Variants in CPE observed in about 807,000 individuals in gnomAD.
CPE encodes the protein carboxypeptidase E.
CPE carries 17 observed loss-of-function variants against 53.5 expected under a neutral mutation model. That is an observed-to-expected ratio of 0.32 (90% CI 0.22 to 0.48). The LOEUF (loss-of-function observed/expected upper bound fraction) is 0.48, where lower values mean the gene tolerates loss of function less well. Ranked by LOEUF, CPE falls within the 20% of genes least tolerant of loss-of-function variation. The pLI, the probability that CPE is intolerant of heterozygous loss-of-function variation, is 0.99. For missense variants in CPE, 524 were observed against 614.7 expected, an observed-to-expected ratio of 0.85 and a Z score of 1.56; for synonymous variants, 226 against 228.8, an observed-to-expected ratio of 0.99 and a Z score of 0.11.
At chr4:165,424,966 C>T (rs1020426391) in intron 1 of CPE, among the ~76,000 whole-genome samples, 64 of 151,810 alleles carry the variant, frequency 4.2e-4, no homozygotes, top group African/African-American at 1.5e-3. Context: ...CCTACACCTC[C>T]CTGGTTCAAA....
chr4:165,486,096 C>T (rs1368234435), intron 5 of CPE, among the ~76,000 whole-genome samples: 1 of 152,108 alleles, frequency 6.6e-6, no homozygotes, highest in Admixed American at 6.5e-5. Context: ...CCATATCTGT[C>T]AGCCATTGGT....
intron 3 of CPE, among the ~76,000 whole-genome samples, chr4:165,476,702 G>A (rs1191365930): frequency 2.6e-5 from 4 of 152,050 alleles, no homozygotes; most frequent in Non-Finnish European, 1.5e-5. Flanking sequence ...TTGGGAGAAG[G>A]CCCTCTCCTG....
intron 4 of CPE, among the ~76,000 whole-genome samples, 158 bp downstream of exon 4, chr4:165,482,517 C>T (rs1732433024): frequency 6.6e-6 from 1 of 152,184 alleles, no homozygotes; most frequent in Non-Finnish European, 1.5e-5. Flanking sequence ...CTAATCATTT[C>T]ATATGGTGTT....
chr4:165,495,716 A>G, intron 8 of CPE, 39 bp downstream of exon 8: 1 of 1,379,120 alleles, frequency 7.3e-7, no homozygotes, highest in African/African-American at 1.4e-5. Context: ...TATAATAATA[A>G]TTAAGCATTT....
At chr4:165,465,724 G>T (rs943933044) in intron 2 of CPE, among the ~76,000 whole-genome samples, 3 of 151,974 alleles carry the variant, frequency 2.0e-5, no homozygotes, top group Admixed American at 6.6e-5. Context: ...TAAAGCCCTA[G>T]AACTTTTGTT....
chr4:165,419,430 A>G (rs990203498), intron 1 of CPE, among the ~76,000 whole-genome samples: 2 of 152,200 alleles, frequency 1.3e-5, no homozygotes, highest in African/African-American at 2.4e-5. Flanking sequence ...CAGAGAAACA[A>G]ACTCATGTAT....
At chr4:165,396,212 C>A (rs1455343623) in intron 1 of CPE, among the ~76,000 whole-genome samples, 1 of 152,132 alleles carries the variant, frequency 6.6e-6, no homozygotes, top group Non-Finnish European at 1.5e-5. Flanking sequence ...TTCCTGGAGT[C>A]ATCTTTAACG....
At chr4:165,476,163 T>C (rs1478764966) in intron 3 of CPE, among the ~76,000 whole-genome samples, 1 of 152,142 alleles carries the variant, frequency 6.6e-6, no homozygotes, top group East Asian at 1.9e-4. Context: ...TGAAAGTGTA[T>C]TAAAAAGCTT....
chr4:165,497,848 A>G lies in CPE; in HGVS notation c.*238A>G, dbSNP rs1381656432. ...ACCTATATTACACAAAAAAGTATAG[A>G]AAAGATTTAAGTAATTTTGCCATCC... is the stretch of plus-strand genomic sequence containing the variant. On this transcript the variant is annotated 3_prime_UTR_variant, in exon 9 of 9. Transcript: ENST00000402744. The G allele has an allele frequency of 5.0e-5, 12 of 239,832 alleles. No homozygotes were observed. The highest frequency in any genetic ancestry group is 5.0e-4 in the Admixed American group (9 of 18,086). The allele number at this position is 239,832 out of a possible 1,614,324, so 14.9% of individuals were successfully genotyped here. A position where few individuals can be genotyped will look rare whatever the true frequency, so the allele number is the denominator to read the frequency against.
intron 1 of CPE, chr4:165,404,932 G>A: frequency 1.3e-6 from 1 of 760,042 alleles, no homozygotes; most frequent in Non-Finnish European, 2.5e-6. Flanking sequence ...GAGGAGATGT[G>A]TTACTAGCAA....
intron 1 of CPE, among the ~76,000 whole-genome samples, chr4:165,410,761 A>G (rs930721280): frequency 3.2e-4 from 49 of 152,164 alleles, no homozygotes; most frequent in Non-Finnish European, 6.9e-4. Context: ...CTGAAAATTA[A>G]TTTTATTTTC....
chr4:165,394,507 G>A (rs1357396862), intron 1 of CPE, among the ~76,000 whole-genome samples: 1 of 152,058 alleles, frequency 6.6e-6, no homozygotes, highest in African/African-American at 2.4e-5. Context: ...GCACCACGCA[G>A]AATGAATCAT....
At chr4:165,469,493 C>T (rs571391319) in intron 3 of CPE, among the ~76,000 whole-genome samples, 2 of 152,108 alleles carry the variant, frequency 1.3e-5, no homozygotes, top group Non-Finnish European at 2.9e-5. Context: ...CTAAACATAC[C>T]ATTTTCTAAC....
chr4:165,385,154 A>C (rs1158893020), intron 1 of CPE, among the ~76,000 whole-genome samples: 6 of 152,210 alleles, frequency 3.9e-5, no homozygotes, highest in Non-Finnish European at 8.8e-5. Flanking sequence ...AGGCCAAAGT[A>C]GTGTAGTATA....
chr4:165,473,496 G>T (rs995979212), intron 3 of CPE, among the ~76,000 whole-genome samples: 3 of 152,226 alleles, frequency 2.0e-5, no homozygotes, highest in African/African-American at 7.2e-5. Context: ...TCAAGAGATT[G>T]CTCAGTTAGA....
chr4:165,481,017 T>TATATATATATATATATATATA (rs1553978734), intron 3 of CPE, among the ~76,000 whole-genome samples: 4 of 42,180 alleles, frequency 9.5e-5, no homozygotes, highest in African/African-American at 1.7e-4. Flanking sequence ...TATATATATA[T>TATATATATATATATATATATA]TTTTTTTTTT....
chr4:165,386,142 A>T, intron 1 of CPE: 1 of 461,124 alleles, frequency 2.2e-6, no homozygotes, highest in South Asian at 1.7e-5. Flanking sequence ...AAATGACAAT[A>T]ATGTGATGAT....
intron 1 of CPE, among the ~76,000 whole-genome samples, chr4:165,453,075 T>G (rs1731840582): frequency 6.6e-6 from 1 of 151,968 alleles, no homozygotes; most frequent in South Asian, 2.1e-4. Flanking sequence ...TTCTCCCGCC[T>G]CAGCCTCCTG....
At chr4:165,397,698 C>A (rs1730791868) in intron 1 of CPE, among the ~76,000 whole-genome samples, 1 of 152,032 alleles carries the variant, frequency 6.6e-6, no homozygotes, top group South Asian at 2.1e-4. Flanking sequence ...GATTATCTCC[C>A]TTTTATAGGA....
Sources: gnomAD v4.1 joint callset for allele counts (sites outside exome capture counted in the v4.1 genomes callset) on GRCh38, gnomAD v4.1.1 for gene constraint, MANE v1.5 for transcripts, NCBI Gene and HGNC (gene_info 2026-07-23, HGNC 2026-07-21) for gene names.